Variants in CCSER1 observed in about 807,000 individuals in gnomAD.
The protein encoded by CCSER1 is coiled-coil serine rich protein 1.
CCSER1 carries 41 observed loss-of-function variants against 82.0 expected under a neutral mutation model. That is an observed-to-expected ratio of 0.50 (90% CI 0.39 to 0.65). The LOEUF is 0.65. Ranked by LOEUF, CCSER1 falls within the 30% of genes least tolerant of loss-of-function variation. The pLI is 0.00. For missense variants in CCSER1, 1,119 were observed against 1,064.2 expected (o/e 1.05, Z -0.72); for synonymous variants, 414 against 383.9 (o/e 1.08, Z -0.92).
intron 6 of CCSER1, among the ~76,000 whole-genome samples, chr4:90,628,734 C>T (rs572658601): frequency 6.6e-6 from 1 of 152,166 alleles, no homozygotes; most frequent in African/African-American, 2.4e-5. Flanking sequence ...TTGCCCTCCC[C>T]ACAGCTTGGG....
At chr4:90,479,031 G>A (rs905053488) in intron 5 of CCSER1, among the ~76,000 whole-genome samples, 4 of 152,010 alleles carry the variant, frequency 2.6e-5, no homozygotes, top group East Asian at 3.9e-4. Context: ...GAGCCCCCAC[G>A]CGGGCCTGTA....
chr4:90,928,439 A>C (rs1009840767), intron 9 of CCSER1, among the ~76,000 whole-genome samples: 1 of 152,102 alleles, frequency 6.6e-6, no homozygotes, highest in African/African-American at 2.4e-5. Context: ...GCTCCATTCT[A>C]GGTCCTTGGA....
chr4:91,590,832 G>T (rs1764230824), intron 10 of CCSER1, among the ~76,000 whole-genome samples: 1 of 152,028 alleles, frequency 6.6e-6, no homozygotes, highest in African/African-American at 2.4e-5. Flanking sequence ...ATATGTGTTT[G>T]CAAACTAAGT....
At chr4:91,331,916 A>G (rs1158977125) in intron 10 of CCSER1, among the ~76,000 whole-genome samples, 1 of 152,158 alleles carries the variant, frequency 6.6e-6, no homozygotes, top group Non-Finnish European at 1.5e-5. Flanking sequence ...GCAATATATG[A>G]ATACTTCTAA....
At chr4:90,512,504 G>A (rs929735004) in intron 5 of CCSER1, among the ~76,000 whole-genome samples, 1 of 152,066 alleles carries the variant, frequency 6.6e-6, no homozygotes, top group Non-Finnish European at 1.5e-5. Flanking sequence ...TGACAGACAT[G>A]CCTATAACAA....
chr4:90,307,188 A>C (rs773186534), intron 1 of CCSER1, among the ~76,000 whole-genome samples: 3 of 152,250 alleles, frequency 2.0e-5, no homozygotes, highest in South Asian at 4.1e-4. Context: ...GGTACGTAGC[A>C]GTTGATGAGT....
At chr4:90,299,891 G>A (rs1026008138) in intron 1 of CCSER1, among the ~76,000 whole-genome samples, 4 of 151,874 alleles carry the variant, frequency 2.6e-5, no homozygotes, top group African/African-American at 9.7e-5. Context: ...AATGATCAAT[G>A]TCCTTTGATA....
chr4:90,513,590 C>G (rs1301133710), intron 5 of CCSER1, among the ~76,000 whole-genome samples: 1 of 152,144 alleles, frequency 6.6e-6, no homozygotes, highest in African/African-American at 2.4e-5. Flanking sequence ...CTGCTGCATT[C>G]TCAGTGCTTG....
At chr4:90,790,527 G>A (rs1222740344) in intron 7 of CCSER1, among the ~76,000 whole-genome samples, 3 of 139,406 alleles carry the variant, frequency 2.2e-5, no homozygotes, top group East Asian at 4.2e-4. Context: ...AATTCCTTCT[G>A]ACCATTGGGA....
chr4:90,661,921 T>A (rs956491523), intron 6 of CCSER1, among the ~76,000 whole-genome samples: 3 of 151,972 alleles, frequency 2.0e-5, no homozygotes, highest in Non-Finnish European at 2.9e-5. Flanking sequence ...AAAAAATTTA[T>A]TTTAGGTCTG....
chr4:91,271,503 T>C (rs572374631), intron 10 of CCSER1, among the ~76,000 whole-genome samples: 1 of 152,198 alleles, frequency 6.6e-6, no homozygotes, highest in East Asian at 1.9e-4. Context: ...CACTTATGAG[T>C]GAGAACATAT....
In CCSER1 at chr4:90,492,017, T is replaced by A. The variant is rs1253286988; in HGVS notation, c.1724+23663T>A. ...TCTCTGCCAGGCTTTGGTATCCGGATGATGCTGGCCTCATAAAATGAGTTA... is the reference window on the plus strand; with the variant it reads ...TCTCTGCCAGGCTTTGGTATCCGGAAGATGCTGGCCTCATAAAATGAGTTA... On this transcript the variant is annotated intron_variant, in intron 5 of 10. Coordinates refer to ENST00000509176, the MANE Select transcript of CCSER1 (RefSeq NM_001145065.2). Among the ~76,000 whole-genome samples the A allele has an allele frequency of 2.0e-5, 3 of 152,324 alleles. No homozygotes were observed. In the East Asian group the frequency reaches 5.8e-4, roughly 29 times the overall value.
chr4:90,854,647 TCTTA>T (rs1051374216), intron 8 of CCSER1, among the ~76,000 whole-genome samples: 3 of 152,172 alleles, frequency 2.0e-5, no homozygotes, highest in Non-Finnish European at 4.4e-5. Flanking sequence ...ATTTCCTTTT[TCTTA>T]CTTAATGGTA....
intron 10 of CCSER1, among the ~76,000 whole-genome samples, chr4:91,174,760 C>A (rs923456490): frequency 3.2e-4 from 49 of 151,348 alleles, no homozygotes; most frequent in African/African-American, 1.2e-3. Context: ...AGTATGTATT[C>A]ATTTCATATT....
At chr4:91,442,706 T>A in intron 10 of CCSER1, among the ~76,000 whole-genome samples, 1 of 129,922 alleles carries the variant, frequency 7.7e-6, no homozygotes, top group African/African-American at 2.9e-5. Context: ...TGGGAGAAAA[T>A]TTTCGCAACC....
intron 3 of CCSER1, among the ~76,000 whole-genome samples, chr4:90,389,555 G>A (rs1467196213): frequency 6.6e-6 from 1 of 152,072 alleles, no homozygotes; most frequent in East Asian, 1.9e-4. Context: ...ATCATAATGG[G>A]ATATTATTAG....
At chr4:90,305,943 G>A (rs1158244364) in intron 1 of CCSER1, among the ~76,000 whole-genome samples, 1 of 152,152 alleles carries the variant, frequency 6.6e-6, no homozygotes, top group Non-Finnish European at 1.5e-5. Context: ...TACATCTGTG[G>A]ATGAATGGAT....
At chr4:90,133,657 C>T (rs537431543) in intron 1 of CCSER1, among the ~76,000 whole-genome samples, 1 of 152,282 alleles carries the variant, frequency 6.6e-6, no homozygotes, top group South Asian at 2.1e-4. Context: ...TCCACCGAAC[C>T]CTTGCTTCTC....
rs562574444 is a variant in CCSER1, at chr4:91,105,157, G to C, written c.2217+19163G>C. ...ATAGAACATGAAGTATTTCTTTTCT[G>C]TGTCAGATAATTATCCTTCAAAAGC... is the stretch of plus-strand genomic sequence containing the variant. On this transcript the variant is annotated intron_variant, in intron 10 of 10. Coordinates refer to ENST00000509176, the MANE Select transcript of CCSER1 (RefSeq NM_001145065.2). 1.1e-4 allele frequency among the ~76,000 whole-genome samples: 17 copies of C among 151,416 alleles called. 1 individual carries two copies. The South Asian group carries it at 3.5e-3, about 31-fold the overall frequency.
Sources: gnomAD v4.1 joint callset for allele counts (sites outside exome capture counted in the v4.1 genomes callset) on GRCh38, gnomAD v4.1.1 for gene constraint, MANE v1.5 for transcripts, NCBI Gene and HGNC (gene_info 2026-07-23, HGNC 2026-07-21) for gene names.